The following ADAM29 variants were observed in gnomAD, a reference collection of about 807,000 sequenced individuals.
The protein encoded by ADAM29 is disintegrin and metalloproteinase domain-containing protein 29.
For synonymous variants in ADAM29, 367 were observed against 342.3 expected (o/e 1.07, Z -0.80); for missense variants, 969 against 1,001.8 (o/e 0.97, Z 0.44).
chr4:174,977,145 A>G lies in ADAM29; in HGVS notation c.1620A>G (p.Thr540=), dbSNP rs1746878474. The change falls in exon 5 of 5, where the codon ACA becomes ACG. Residue 540 remains threonine (T), a synonymous_variant. Transcript: ENST00000359240. ...GTCACTGTGGTATCAAAAATGCTACATATATAAAGTGTAATATCTCAGATG... is the reference window on the plus strand; with the variant it reads ...GTCACTGTGGTATCAAAAATGCTACGTATATAAAGTGTAATATCTCAGATG... The part of the protein sequence containing the change: ...RVGHCGIKNA[T]YIKCNISDVQ... The G allele has an allele frequency of 1.2e-6, 2 of 1,614,030 alleles. No homozygotes were observed. The highest frequency in any genetic ancestry group is 1.1e-5 in the South Asian group (1 of 91,076).
In ADAM29 at chr4:174,976,028, A is replaced by T. The variant is rs969897762; in HGVS notation, c.503A>T (p.Gln168Leu). The part of the protein sequence containing the change: ...QFSTMRSGFM[Q>L]NEITCRMEFE... ...TCAACCATGAGATCCGGATTTATGC[A>T]AAATGAAATAACATGCCGAATGGAA... is the stretch of plus-strand genomic sequence containing the variant. Residue 168 changes from glutamine (Q) to leucine (L), a missense_variant, in exon 5 of 5, where the codon CAA becomes CTA. Coordinates refer to ENST00000359240, the MANE Select transcript of ADAM29 (RefSeq NM_014269.4). 3 of 1,612,668 alleles carry T rather than the reference A, an allele frequency of 1.9e-6. No individual in the cohort carries two copies. The African/African-American group carries it at 4.0e-5, about 22-fold the overall frequency.
chr4:174,937,816 C>A (rs1249431504), intron 4 of ADAM29, among the ~76,000 whole-genome samples: 2 of 151,910 alleles, frequency 1.3e-5, no homozygotes, highest in African/African-American at 4.8e-5. Context: ...CTCAGAATAG[C>A]AATTAATTAG....
At chr4:174,974,690 A>G (rs1746656382) in intron 4 of ADAM29, among the ~76,000 whole-genome samples, 1 of 152,230 alleles carries the variant, frequency 6.6e-6, no homozygotes, top group African/African-American at 2.4e-5. Context: ...TATTTATTAC[A>G]TAAAGAATTA....
intron 4 of ADAM29, among the ~76,000 whole-genome samples, chr4:174,948,570 C>T (rs890138091): frequency 1.3e-5 from 2 of 152,138 alleles, no homozygotes; most frequent in Admixed American, 1.3e-4. Flanking sequence ...ACACTAGCCA[C>T]AACACTCCAA....
chr4:174,971,756 G>GA (rs1746492293), intron 4 of ADAM29, among the ~76,000 whole-genome samples: 1 of 152,104 alleles, frequency 6.6e-6, no homozygotes, highest in African/African-American at 2.4e-5. Flanking sequence ...TCAGATTTGG[G>GA]AAGTGTTCAG....
At chr4:174,923,121 T>A (rs1167407223) in intron 2 of ADAM29, among the ~76,000 whole-genome samples, 4 of 152,078 alleles carry the variant, frequency 2.6e-5, no homozygotes, top group Non-Finnish European at 5.9e-5. Flanking sequence ...AGTGGTGCGA[T>A]CTCGGCTCAC....
At chr4:174,926,182 A>G (rs1156499831) in intron 2 of ADAM29, among the ~76,000 whole-genome samples, 2 of 152,112 alleles carry the variant, frequency 1.3e-5, no homozygotes, top group Admixed American at 6.6e-5. Context: ...GGTTTATCGT[A>G]TTTAACTTCC....
chr4:174,930,479 A>G (rs1202001737), intron 2 of ADAM29, among the ~76,000 whole-genome samples: 1 of 152,194 alleles, frequency 6.6e-6, no homozygotes. Context: ...ATGAGTAATA[A>G]TAATTTATAA....
Position 174,937,008 on chromosome 4 carries a change from C to T in ADAM29, c.-186C>T, listed in dbSNP as rs1228968482. On this transcript the variant is annotated 5_prime_UTR_variant, in exon 4 of 5. Transcript: ENST00000359240. ...TTCTCTAAAAATAATCAATTTGTTA[C>T]TACAGGTAAATTAATTTCACTTTTT... 1.3e-5 allele frequency: 2 copies of T among 151,964 alleles called. No individual in the cohort carries two copies. Among genetic ancestry groups the T allele is most frequent in the African/African-American group, 2.4e-5 (1 of 41,428 alleles). The allele number at this position is 151,964 out of a possible 1,614,324, so 9.4% of individuals were successfully genotyped here.
At chr4:174,952,853 C>T (rs1425257564) in intron 4 of ADAM29, among the ~76,000 whole-genome samples, 1 of 152,118 alleles carries the variant, frequency 6.6e-6, no homozygotes, top group Non-Finnish European at 1.5e-5. Context: ...TTAATATAAT[C>T]TGAGTGACAA....
intron 4 of ADAM29, among the ~76,000 whole-genome samples, chr4:174,943,087 C>A (rs564487442): frequency 2.3e-4 from 35 of 152,276 alleles, no homozygotes; most frequent in African/African-American, 7.7e-4. Context: ...CAAGAGTGAC[C>A]TTTGCTCCAG....
chr4:174,930,733 A>G (rs529408494), intron 2 of ADAM29, among the ~76,000 whole-genome samples: 1 of 152,188 alleles, frequency 6.6e-6, no homozygotes, highest in Admixed American at 6.5e-5. Context: ...TCTAGATTTA[A>G]CAATTCAAAT....
chr4:174,922,790 C>T (rs546587526), intron 2 of ADAM29, among the ~76,000 whole-genome samples: 1 of 152,018 alleles, frequency 6.6e-6, no homozygotes, highest in East Asian at 1.9e-4. Context: ...GTGATAATCA[C>T]ATCTTTTAAA....
intron 2 of ADAM29, among the ~76,000 whole-genome samples, chr4:174,923,627 A>G (rs1362124377): frequency 1.3e-5 from 2 of 150,452 alleles, no homozygotes; most frequent in Admixed American, 6.7e-5. Context: ...TTAATCAGAT[A>G]ACAGGGAAGA....
chr4:174,955,353 T>C (rs1316232619), intron 4 of ADAM29, among the ~76,000 whole-genome samples: 1 of 151,910 alleles, frequency 6.6e-6, no homozygotes, highest in South Asian at 2.1e-4. Context: ...GAAGAAGACA[T>C]GAATTAACAA....
chr4:174,960,852 C>T (rs1290731414), intron 4 of ADAM29, among the ~76,000 whole-genome samples: 1 of 152,020 alleles, frequency 6.6e-6, no homozygotes, highest in Non-Finnish European at 1.5e-5. Flanking sequence ...TAGGTAGATC[C>T]CCAAATAGAC....
At chr4:174,954,925 AT>A (rs1270240461) in intron 4 of ADAM29, among the ~76,000 whole-genome samples, 2 of 152,202 alleles carry the variant, frequency 1.3e-5, no homozygotes, top group Non-Finnish European at 2.9e-5. Context: ...TAAAGTAAAA[AT>A]AAGTCATTTT....
At chr4:174,939,646 C>T (rs759289721) in intron 4 of ADAM29, among the ~76,000 whole-genome samples, 2 of 151,932 alleles carry the variant, frequency 1.3e-5, no homozygotes, top group East Asian at 1.9e-4. Context: ...TTTTGAGTTA[C>T]GTTCATCAAT....
At chr4:174,955,888 T>G (rs1745471281) in intron 4 of ADAM29, among the ~76,000 whole-genome samples, 1 of 152,082 alleles carries the variant, frequency 6.6e-6, no homozygotes, top group Non-Finnish European at 1.5e-5. Flanking sequence ...ATTGGTTTCC[T>G]TGCTTCAATT....
Sources: allele counts gnomAD v4.1 joint callset (sites outside exome capture counted in the v4.1 genomes callset), GRCh38; gene constraint gnomAD v4.1.1; transcripts MANE v1.5; gene names NCBI Gene and HGNC (gene_info 2026-07-23, HGNC 2026-07-21).